Variants in TRIP11 observed in about 807,000 individuals in gnomAD.
TRIP11 encodes thyroid hormone receptor interactor 11.
Under a neutral mutation model 223.1 loss-of-function variants are expected in TRIP11, and 148 were observed. The ratio of observed to expected loss-of-function variants is 0.66; its 90% CI spans 0.58 to 0.76. TRIP11 has a LOEUF of 0.76. Ranked by LOEUF, TRIP11 falls within the 30% of genes least tolerant of loss-of-function variation. The pLI is 0.00. For missense variants in TRIP11, 2,043 were observed against 2,222.0 expected (o/e 0.92, Z 1.62); for synonymous variants, 762 against 772.6 (o/e 0.99, Z 0.23).
chr14:92,005,264 G>A lies in TRIP11; in HGVS notation c.2712C>T (p.Ile904=). The change falls in exon 11 of 21, where the codon ATC becomes ATT. Residue 904 remains isoleucine, a synonymous_variant. Transcript: ENST00000267622. The stretch of plus-strand genomic sequence containing the variant: ...TAATTTCCTCTTCAAGATGTTCCTT[G>A]ATCGTGTTCAGTTGAGATACCTCAG... The part of the protein sequence containing the change: ...LASEVSQLNT[I]KEHLEEEIKH... The A allele has an allele frequency of 1.2e-6, 2 of 1,614,028 alleles. No homozygotes were observed. The highest frequency in any genetic ancestry group is 2.2e-5 in the South Asian group (2 of 91,074).
chr14:92,013,959 C>A (rs544862576), intron 7 of TRIP11, among the ~76,000 whole-genome samples: 30 of 152,218 alleles, frequency 2.0e-4, no homozygotes, highest in African/African-American at 7.0e-4. Flanking sequence ...GGCTGTATTC[C>A]CTAACTGGAG....
chr14:92,007,270 C>T (rs898021996), intron 10 of TRIP11, among the ~76,000 whole-genome samples: 25 of 151,258 alleles, frequency 1.7e-4, no homozygotes, highest in African/African-American at 6.1e-4. Flanking sequence ...GTGATCCACC[C>T]GTCTCTGCCT....
chr14:92,038,239 T>C (rs2057344872), intron 1 of TRIP11, among the ~76,000 whole-genome samples: 1 of 152,130 alleles, frequency 6.6e-6, no homozygotes, highest in Non-Finnish European at 1.5e-5. Context: ...ACCTTAAACC[T>C]GGAAGACATC....
At chr14:92,011,822 A>G (rs1258448682) in intron 7 of TRIP11, 27 bp from the exon 8 acceptor site, 4 of 1,603,340 alleles carry the variant, frequency 2.5e-6, no homozygotes, top group Non-Finnish European at 3.4e-6. Context: ...TGAACTTGAC[A>G]TTAAAATTAT....
intron 4 of TRIP11, among the ~76,000 whole-genome samples, chr14:92,020,716 G>A (rs1210572996): frequency 1.3e-5 from 2 of 151,230 alleles, no homozygotes; most frequent in Non-Finnish European, 2.9e-5. Context: ...TCCAAATAGT[G>A]TACAGAAAGG....
At chr14:92,035,913 C>T (rs7149561) in intron 1 of TRIP11, among the ~76,000 whole-genome samples, 38,429 of 151,964 alleles carry the variant, frequency 0.25, 4,951 homozygotes, top group East Asian at 0.34. Flanking sequence ...ATTTTAAGCA[C>T]GTTTATGAAT....
intron 4 of TRIP11, 69 bp downstream of exon 4, chr14:92,021,486 AT>A: frequency 6.7e-7 from 1 of 1,500,272 alleles, no homozygotes; most frequent in Non-Finnish European, 9.2e-7. Flanking sequence ...AAAGCTCTAC[AT>A]ACAGTTTTTT....
In TRIP11 at chr14:92,004,858, T is replaced by A. The variant is rs34805848; in HGVS notation, c.3118A>T (p.Ile1040Leu). The A allele has an allele frequency of 6.2e-7, 1 of 1,613,892 alleles. No individual in the cohort carries two copies. Among genetic ancestry groups the A allele is most frequent in the Non-Finnish European group, 8.5e-7 (1 of 1,179,966 alleles). The change falls in exon 11 of 21, where the codon ATA becomes TTA. Residue 1040 changes from isoleucine (I) to leucine (L), a missense_variant. Physicochemically the swap from Ile to Leu is conservative, Grantham distance 5 (BLOSUM62 2). Coordinates refer to ENST00000267622, the MANE Select transcript of TRIP11 (RefSeq NM_004239.4). ...LEIKLLNEKN[I>L]SLTKQIDQLS... is the part of the protein sequence containing the mutation. ...TGATCAATCTGTTTAGTTAAAGATA[T>A]ATTCTTTTCATTTAGAAGTTTAATC...
intron 11 of TRIP11, among the ~76,000 whole-genome samples, chr14:92,002,821 T>G (rs2056844146): frequency 6.6e-6 from 1 of 152,062 alleles, no homozygotes; most frequent in Non-Finnish European, 1.5e-5. Context: ...CCTCAGGTGA[T>G]CCACCCACCT....
intron 3 of TRIP11, among the ~76,000 whole-genome samples, chr14:92,024,198 T>C (rs1219235886): frequency 1.3e-5 from 2 of 151,988 alleles, no homozygotes; most frequent in African/African-American, 4.8e-5. Flanking sequence ...GCCAACGTGG[T>C]GAAACCCCAT....
intron 11 of TRIP11, among the ~76,000 whole-genome samples, chr14:92,002,300 T>C (rs1297492965): frequency 6.6e-6 from 1 of 152,164 alleles, no homozygotes; most frequent in African/African-American, 2.4e-5. Context: ...ACTGGCACTA[T>C]CCATATAACT....
intron 3 of TRIP11, among the ~76,000 whole-genome samples, chr14:92,024,370 CAA>C (rs61209764): frequency 1.5e-4 from 16 of 106,622 alleles, no homozygotes; most frequent in Non-Finnish European, 1.4e-4. Flanking sequence ...GACTCTGTCT[CAA>C]AAAAAAAAAA....
chr14:91,969,665 A>G lies in TRIP11; in HGVS notation c.*8T>C, dbSNP rs1191658625. 2.5e-6 allele frequency: 4 copies of G among 1,611,594 alleles called. No individual in the cohort carries two copies. Among genetic ancestry groups the G allele is most frequent in the Non-Finnish European group, 3.4e-6 (4 of 1,179,492 alleles). On this transcript the variant is annotated 3_prime_UTR_variant, in exon 21 of 21. Transcript: ENST00000267622. ...AAAGTGCTAGATTGTCTCTGGCTTG[A>G]GAATCATCTATTGCTTTAAAAGGTC...
In TRIP11 at chr14:91,966,634, T is replaced by C. The variant is rs2056344559; in HGVS notation, c.*3039A>G. ...TTTGGGGAGATACTGGACGTTTTAA[T>C]TGACTAGTTGGAAAGAAGCCATTCT... On this transcript the variant is annotated 3_prime_UTR_variant, in exon 21 of 21. Transcript: ENST00000267622. The C allele has an allele frequency of 4.7e-6, 1 of 215,012 alleles. No individual in the cohort carries two copies. Among genetic ancestry groups the C allele is most frequent in the African/African-American group, 2.3e-5 (1 of 44,388 alleles). The allele number at this position is 215,012 out of a possible 1,614,324, so 13.3% of individuals were successfully genotyped here.
At chr14:91,990,490 A>G (rs919133934) in intron 15 of TRIP11, among the ~76,000 whole-genome samples, 40 of 152,208 alleles carry the variant, frequency 2.6e-4, no homozygotes, top group Admixed American at 2.1e-3. Context: ...TTTAAAAAAT[A>G]AAACTAGTTT....
chr14:92,007,573 CCCA>C, intron 10 of TRIP11, 64 bp downstream of exon 10: 1 of 1,517,886 alleles, frequency 6.6e-7, no homozygotes, highest in South Asian at 1.1e-5. Flanking sequence ...TTAAATCACA[CCCA>C]CCATTTCTGT....
At chr14:91,992,649 T>G (rs2056688818) in intron 15 of TRIP11, among the ~76,000 whole-genome samples, 1 of 151,856 alleles carries the variant, frequency 6.6e-6, no homozygotes, top group Non-Finnish European at 1.5e-5. Context: ...CCGGGCATGG[T>G]GGGTAATCCC....
chr14:92,015,050 A>G (rs2057018830), intron 6 of TRIP11, among the ~76,000 whole-genome samples: 1 of 151,912 alleles, frequency 6.6e-6, no homozygotes, highest in African/African-American at 2.4e-5. Context: ...ACCACAGGCG[A>G]GCACCACCAC....
At chr14:92,012,953 A>G (rs11628699) in intron 7 of TRIP11, among the ~76,000 whole-genome samples, 20,947 of 152,232 alleles carry the variant, frequency 0.14, 1,623 homozygotes, top group African/African-American at 0.2. Flanking sequence ...TGAAGGAATC[A>G]TGGAGAACAG....
Sources: gnomAD v4.1 joint callset for allele counts (sites outside exome capture counted in the v4.1 genomes callset) on GRCh38, gnomAD v4.1.1 for gene constraint, MANE v1.5 for transcripts, NCBI Gene and HGNC (gene_info 2026-07-23, HGNC 2026-07-21) for gene names.